The following LCORL variants were observed in gnomAD, a reference collection of about 807,000 sequenced individuals.
The protein encoded by LCORL is ligand-dependent nuclear receptor corepressor-like protein.
Under a neutral mutation model 141.8 loss-of-function variants are expected in LCORL, and 41 were observed. That is an observed-to-expected ratio of 0.29 (90% CI 0.23 to 0.38). The LOEUF is 0.38. Among genes scored for constraint, LCORL ranks in the 10% least tolerant of loss-of-function variants. The pLI, the probability that LCORL is intolerant of heterozygous loss-of-function variation, is 1.00. For synonymous variants in LCORL, 618 were observed against 694.1 expected, an observed-to-expected ratio of 0.89 and a Z score of 1.72; for missense variants, 1,759 against 2,035.0, an observed-to-expected ratio of 0.86 and a Z score of 2.61.
chr4:17,854,684 T>A (rs570691373), intron 7 of LCORL, among the ~76,000 whole-genome samples: 42 of 150,914 alleles, frequency 2.8e-4, no homozygotes, highest in South Asian at 4.2e-4. Context: ...ATTGCTTTTT[T>A]AAAAAAAAAC....
At chr4:17,916,379 T>C (rs1733410121) in intron 4 of LCORL, among the ~76,000 whole-genome samples, 1 of 152,164 alleles carries the variant, frequency 6.6e-6, no homozygotes, top group Non-Finnish European at 1.5e-5. Flanking sequence ...TTGGTAATAA[T>C]GGGGCAGATC....
chr4:17,955,277 T>G (rs867664804), intron 4 of LCORL, among the ~76,000 whole-genome samples: 1 of 152,162 alleles, frequency 6.6e-6, no homozygotes, highest in Non-Finnish European at 1.5e-5. Context: ...TGACTGGCAT[T>G]CCTTTGAATA....
At chr4:17,880,975 T>A (rs575497801) in intron 6 of LCORL, 3 of 983,484 alleles carry the variant, frequency 3.1e-6, no homozygotes, top group Non-Finnish European at 3.6e-6. Flanking sequence ...TACTGCGACA[T>A]TGGAAATACT....
At chr4:18,017,226 T>C (rs1724773580) in intron 1 of LCORL, among the ~76,000 whole-genome samples, 1 of 152,182 alleles carries the variant, frequency 6.6e-6, no homozygotes, top group African/African-American at 2.4e-5. Flanking sequence ...ATAATGGAGA[T>C]GGGAAAGATT....
chr4:17,887,052 C>A (rs1728370126), intron 5 of LCORL, among the ~76,000 whole-genome samples: 1 of 151,944 alleles, frequency 6.6e-6, no homozygotes, highest in South Asian at 2.1e-4. Context: ...TTAAAAAATT[C>A]AACTGGGTTT....
chr4:17,908,610 G>A (rs567435998), intron 5 of LCORL, among the ~76,000 whole-genome samples: 41 of 152,090 alleles, frequency 2.7e-4, no homozygotes, highest in African/African-American at 8.9e-4. Flanking sequence ...GGTTCCTTAT[G>A]ACCAATGTTT....
intron 7 of LCORL, among the ~76,000 whole-genome samples, chr4:17,851,909 TATGA>T (rs1006878508): frequency 2.6e-4 from 40 of 152,338 alleles, no homozygotes; most frequent in African/African-American, 9.6e-4. Context: ...GCATTTCTCT[TATGA>T]ATAAGGTTAA....
intron 7 of LCORL, among the ~76,000 whole-genome samples, chr4:17,869,279 T>G (rs1726053535): frequency 6.6e-6 from 1 of 152,146 alleles, no homozygotes; most frequent in African/African-American, 2.4e-5. Context: ...AGCTAACCTT[T>G]GTATATTCTC....
At chr4:17,870,778 T>C (rs1282850885) in intron 7 of LCORL, among the ~76,000 whole-genome samples, 1 of 152,222 alleles carries the variant, frequency 6.6e-6, no homozygotes, top group Non-Finnish European at 1.5e-5. Flanking sequence ...TAGACATTCA[T>C]TAAATACTTG....
chr4:17,873,333 A>T, intron 7 of LCORL, 55 bp downstream of exon 7: 2 of 1,077,340 alleles, frequency 1.9e-6, no homozygotes, highest in Non-Finnish European at 2.4e-6. Context: ...TACCTGTTAT[A>T]CTTTACTCAA....
chr4:17,970,585 G>A (rs1715735826), intron 2 of LCORL, among the ~76,000 whole-genome samples: 1 of 152,206 alleles, frequency 6.6e-6, no homozygotes, highest in African/African-American at 2.4e-5. Context: ...TTGCCAGACA[G>A]CAGCCAGGAG....
At chr4:17,998,038 A>G (rs1374800154) in intron 1 of LCORL, among the ~76,000 whole-genome samples, 1 of 152,232 alleles carries the variant, frequency 6.6e-6, no homozygotes, top group Non-Finnish European at 1.5e-5. Flanking sequence ...AGAAGAGCCT[A>G]CTGTATACAG....
intron 5 of LCORL, among the ~76,000 whole-genome samples, chr4:17,900,526 C>T (rs1036030440): frequency 2.6e-5 from 4 of 152,132 alleles, no homozygotes; most frequent in South Asian, 2.1e-4. Context: ...AAAATAACCT[C>T]TCAGTCACTT....
At chr4:18,018,857 A>ATT (rs1725043478) in intron 1 of LCORL, among the ~76,000 whole-genome samples, 1 of 152,236 alleles carries the variant, frequency 6.6e-6, no homozygotes, top group Non-Finnish European at 1.5e-5. Context: ...AGCACCGAAT[A>ATT]TTATATATAT....
intron 4 of LCORL, among the ~76,000 whole-genome samples, chr4:17,923,761 T>TA (rs1398015816): frequency 6.6e-6 from 1 of 152,116 alleles, no homozygotes; most frequent in Admixed American, 6.5e-5. Flanking sequence ...ATTGGGATGT[T>TA]AGAGTAAATT....
At position 17,884,816 on chromosome 4, in the gene LCORL, G is replaced by A. The variant is rs1250593497; in HGVS notation, c.776+1252C>T. 3 of 898,406 alleles carry A rather than the reference G, an allele frequency of 3.3e-6. No homozygotes were observed. The highest frequency in any genetic ancestry group is 4.9e-6 in the Non-Finnish European group (3 of 616,730). The allele number at this position is 898,406 out of a possible 1,614,324, so 55.7% of individuals were successfully genotyped here. A position where few individuals can be genotyped will look rare whatever the true frequency, so the allele number is the denominator to read the frequency against. On this transcript the variant is annotated intron_variant, in intron 6 of 7. Coordinates refer to ENST00000635767, the Ensembl canonical transcript of LCORL. The surrounding 1 kb of genome is among the most constrained non-coding windows in gnomAD (Gnocchi z 4.4). ...GAGAGACTCTCACACAGCTATGGAA[G>A]GGGAGGGTCCACTCCTTTATTATAC...
exon 7 of LCORL, chr4:17,877,120 T>C: frequency 8.1e-7 from 1 of 1,230,942 alleles, no homozygotes; most frequent in Non-Finnish European, 1.0e-6. Context: ...GACTGCCTTC[T>C]AAACATGGGT....
intron 4 of LCORL, among the ~76,000 whole-genome samples, chr4:17,929,182 T>C (rs1025532677): frequency 9.2e-5 from 14 of 152,222 alleles, no homozygotes; most frequent in African/African-American, 3.4e-4. Flanking sequence ...AAGAACTTAA[T>C]ATTCTTAAGA....
At chr4:17,967,487 G>A (rs1011002961) in intron 2 of LCORL, among the ~76,000 whole-genome samples, 1 of 152,062 alleles carries the variant, frequency 6.6e-6, no homozygotes, top group Non-Finnish European at 1.5e-5. Flanking sequence ...AGGAAAGAGA[G>A]TACATGGAAA....
Sources: gnomAD v4.1 joint callset for allele counts (sites outside exome capture counted in the v4.1 genomes callset) on GRCh38, gnomAD v4.1.1 for gene constraint, Gnocchi (gnomAD v3.1) non-coding constraint, MANE v1.5 for transcripts, NCBI Gene and HGNC (gene_info 2026-07-23, HGNC 2026-07-21) for gene names.